Variants in RTTN observed in about 807,000 individuals in gnomAD.
RTTN encodes the protein rotatin.
Under a neutral mutation model 269.2 loss-of-function variants are expected in RTTN, and 182 were observed. That is an observed-to-expected ratio of 0.68 (90% CI 0.60 to 0.76). The LOEUF is 0.76. Ranked by LOEUF, RTTN falls within the 30% of genes least tolerant of loss-of-function variation. The probability of loss-of-function intolerance (pLI) is 0.00; values close to 1 mark genes in which losing one functional copy is unlikely to be tolerated. For synonymous variants in RTTN, 1,006 were observed against 963.5 expected (o/e 1.04, Z -0.82); for missense variants, 2,545 against 2,608.6 (o/e 0.98, Z 0.53).
Position 70,005,264 on chromosome 18 carries a change from T to G in RTTN, c.6529A>C (p.Lys2177Gln). The change falls in exon 48 of 49, where the codon AAA becomes CAA. Residue 2177 changes from lysine (K) to glutamine (Q), a missense_variant. Lys to Gln is a moderately conservative substitution (Grantham distance 53). Coordinates refer to ENST00000640769, the MANE Select transcript of RTTN (RefSeq NM_173630.4). ...ACTGATGGGCTTTTCAAAGCTGTTT[T>G]TGCCTAGAACAATCCATTAATTAGG... is the stretch of plus-strand genomic sequence containing the variant. ...WALIYNYQKA[K>Q]TALKSPSVKR... The G allele has an allele frequency of 5.6e-6, 9 of 1,612,230 alleles. No individual in the cohort carries two copies. The highest frequency in any genetic ancestry group is 7.6e-6 in the Non-Finnish European group (9 of 1,178,780).
At chr18:70,053,177 C>T (rs2057724116) in intron 38 of RTTN, 2 of 152,206 alleles carry the variant, frequency 1.3e-5, no homozygotes, top group East Asian at 1.9e-4. Flanking sequence ...AACGTCAATG[C>T]TTCTCAAGGA....
chr18:70,106,480 G>C (rs1354611556), intron 28 of RTTN, among the ~76,000 whole-genome samples: 1 of 152,120 alleles, frequency 6.6e-6, no homozygotes, highest in Non-Finnish European at 1.5e-5. Flanking sequence ...ATAAGAAAAG[G>C]TTTACTAAAT....
rs760952296 is a variant in RTTN at position 70,075,481 on chromosome 18, C to T, written c.4435G>A (p.Ala1479Thr). The stretch of plus-strand genomic sequence containing the variant: ...TAAAAATGGCAGTGATATAAAAGAG[C>T]CTGAAGGGCAGGTTTTCCAATGAGC... The part of the protein sequence containing the change: ...LSLIGKPALQ[A>T]LLYHCHFYEH... Residue 1479 changes from alanine (A) to threonine (T), a missense_variant, in exon 33 of 49, where the codon GCT becomes ACT. Transcript: ENST00000640769. 2 of 1,604,478 alleles carry T rather than the reference C, an allele frequency of 1.2e-6. No homozygotes were observed. The highest frequency in any genetic ancestry group is 3.4e-5 in the Admixed American group (2 of 58,372).
intron 33 of RTTN, chr18:70,074,820 A>G (rs2058385577): frequency 6.6e-6 from 1 of 151,862 alleles, no homozygotes. Context: ...CAAAAGGAAT[A>G]AAAAGGTTTC....
intron 2 of RTTN, among the ~76,000 whole-genome samples, chr18:70,204,592 G>A (rs1181076989): frequency 6.6e-6 from 1 of 152,056 alleles, no homozygotes; most frequent in African/African-American, 2.4e-5. Context: ...CCGGTCAACA[G>A]GATGTCAAAG....
chr18:70,061,051 A>G (rs1007034228), intron 35 of RTTN, among the ~76,000 whole-genome samples: 22 of 152,038 alleles, frequency 1.4e-4, no homozygotes, highest in African/African-American at 5.1e-4. Flanking sequence ...TGGCGTTGCA[A>G]TCAACATGGG....
At chr18:70,086,716 A>AGTC in intron 31 of RTTN, 32 bp from the exon 32 acceptor site, 1 of 1,348,856 alleles carries the variant, frequency 7.4e-7, no homozygotes, top group Non-Finnish European at 1.0e-6. Context: ...AAAAAAAAAA[A>AGTC]AAAAAAAAAA....
intron 18 of RTTN, 84 bp from the exon 19 acceptor site, chr18:70,142,471 G>T: frequency 1.3e-6 from 1 of 763,610 alleles, no homozygotes; most frequent in Non-Finnish European, 2.2e-6. Context: ...TGTGCCCTAT[G>T]AACAAAAGCT....
chr18:70,030,541 G>T (rs2056983068), intron 41 of RTTN, among the ~76,000 whole-genome samples: 1 of 152,166 alleles, frequency 6.6e-6, no homozygotes, highest in Non-Finnish European at 1.5e-5. Context: ...TGTGGGTTTT[G>T]TTCAGGTATG....
At chr18:70,199,855 A>G (rs1242684741) in intron 4 of RTTN, among the ~76,000 whole-genome samples, 1 of 152,256 alleles carries the variant, frequency 6.6e-6, no homozygotes, top group African/African-American at 2.4e-5. Flanking sequence ...AAAGGAACTG[A>G]CATTTAGGGA....
intron 40 of RTTN, among the ~76,000 whole-genome samples, chr18:70,037,372 T>A (rs1307293444): frequency 6.6e-6 from 1 of 152,182 alleles, no homozygotes; most frequent in Admixed American, 6.5e-5. Flanking sequence ...GACTCCTTCC[T>A]TCTACTTGAG....
At chr18:70,029,911 TC>T (rs2056963488) in intron 42 of RTTN, 100 bp downstream of exon 42, 1 of 798,130 alleles carries the variant, frequency 1.3e-6, no homozygotes, top group East Asian at 2.5e-5. Flanking sequence ...GTACCTTTCT[TC>T]TAAATGAGAC....
intron 11 of RTTN, among the ~76,000 whole-genome samples, 200 bp from the exon 12 acceptor site, chr18:70,169,267 A>G (rs1356895039): frequency 6.6e-6 from 1 of 152,156 alleles, no homozygotes; most frequent in African/African-American, 2.4e-5. Context: ...TCAATACAAA[A>G]TGTCTCAAGT....
intron 17 of RTTN, among the ~76,000 whole-genome samples, chr18:70,146,254 C>T (rs193240912): frequency 7.2e-5 from 11 of 152,208 alleles, no homozygotes; most frequent in Admixed American, 3.9e-4. Flanking sequence ...AGGGGCCAAA[C>T]AGATTCCTGT....
At chr18:70,126,530 T>C (rs2059869494) in intron 25 of RTTN, among the ~76,000 whole-genome samples, 1 of 152,256 alleles carries the variant, frequency 6.6e-6, no homozygotes, top group African/African-American at 2.4e-5. Flanking sequence ...ATTGTAGTTA[T>C]TTCCATAAAA....
chr18:70,110,454 G>A (rs886083259), intron 27 of RTTN, among the ~76,000 whole-genome samples: 5 of 152,088 alleles, frequency 3.3e-5, no homozygotes, highest in Admixed American at 1.3e-4. Flanking sequence ...CCTGGGAAGC[G>A]CAAGGGGTCG....
intron 14 of RTTN, among the ~76,000 whole-genome samples, chr18:70,160,300 A>C (rs2145862088): frequency 6.6e-6 from 1 of 152,222 alleles, no homozygotes; most frequent in Non-Finnish European, 1.5e-5. Context: ...AATAAATGTG[A>C]TTCATCACAT....
At chr18:70,157,954 C>G (rs1285562906) in intron 14 of RTTN, among the ~76,000 whole-genome samples, 2 of 149,436 alleles carry the variant, frequency 1.3e-5, no homozygotes, top group Non-Finnish European at 3.0e-5. Context: ...ATTATGTAAA[C>G]AAAACGAACC....
At chr18:70,045,594 C>A (rs898027319) in intron 40 of RTTN, among the ~76,000 whole-genome samples, 6 of 152,164 alleles carry the variant, frequency 3.9e-5, no homozygotes, top group Admixed American at 3.3e-4. Context: ...TATCCTATTT[C>A]TATAAGGCAA....
Sources: gnomAD v4.1 joint callset for allele counts (sites outside exome capture counted in the v4.1 genomes callset) on GRCh38, gnomAD v4.1.1 for gene constraint, MANE v1.5 for transcripts, NCBI Gene and HGNC (gene_info 2026-07-23, HGNC 2026-07-21) for gene names.